The following RNF216 variants were observed in gnomAD, a reference collection of about 807,000 sequenced individuals.
The protein encoded by RNF216 is E3 ubiquitin-protein ligase RNF216.
RNF216 carries 72 observed loss-of-function variants against 110.8 expected under a neutral mutation model. The ratio of observed to expected loss-of-function variants is 0.65; its 90% CI spans 0.54 to 0.79. The LOEUF is 0.79. Ranked by LOEUF, RNF216 falls within the 30% of genes least tolerant of loss-of-function variation. The probability of loss-of-function intolerance (pLI) is 0.00; values close to 1 mark genes in which losing one functional copy is unlikely to be tolerated. For missense variants in RNF216, 1,342 were observed against 1,141.2 expected, an observed-to-expected ratio of 1.18 and a Z score of -2.54; for synonymous variants, 495 against 407.5, an observed-to-expected ratio of 1.21 and a Z score of -2.59.
intron 8 of RNF216, among the ~76,000 whole-genome samples, 176 bp downstream of exon 8, chr7:5,725,148 G>A (rs777450811): frequency 2.6e-5 from 4 of 152,190 alleles, no homozygotes; most frequent in Non-Finnish European, 5.9e-5. Flanking sequence ...GCCAACAAGT[G>A]CAGCCACTTC....
At chr7:5,645,373 T>C (rs1488660023) in intron 14 of RNF216, among the ~76,000 whole-genome samples, 1 of 152,230 alleles carries the variant, frequency 6.6e-6, no homozygotes, top group Non-Finnish European at 1.5e-5. Flanking sequence ...AATGTGAATA[T>C]TGGTACATCA....
chr7:5,646,086 C>A (rs1194439620), intron 14 of RNF216, among the ~76,000 whole-genome samples: 3 of 152,140 alleles, frequency 2.0e-5, no homozygotes, highest in Non-Finnish European at 4.4e-5. Flanking sequence ...ATGGGCCATA[C>A]TTTCCTGTTT....
intron 15 of RNF216, among the ~76,000 whole-genome samples, chr7:5,632,221 G>C (rs1011175219): frequency 2.0e-5 from 3 of 152,220 alleles, no homozygotes; most frequent in African/African-American, 7.2e-5. Context: ...GCTGCTGGCT[G>C]CATCTTTACT....
At chr7:5,766,167 A>T (rs1386817177) in intron 1 of RNF216, among the ~76,000 whole-genome samples, 2 of 151,758 alleles carry the variant, frequency 1.3e-5, no homozygotes, top group Non-Finnish European at 2.9e-5. Context: ...GCATGTACCT[A>T]TAGTTTTAGC....
chr7:5,779,333 C>T (rs986083236), intron 1 of RNF216, among the ~76,000 whole-genome samples: 3 of 152,044 alleles, frequency 2.0e-5, no homozygotes, highest in African/African-American at 4.8e-5. Context: ...TCTAAAGCCT[C>T]GAATGAGGTT....
chr7:5,773,458 G>T (rs983715561), intron 1 of RNF216, among the ~76,000 whole-genome samples: 1 of 151,808 alleles, frequency 6.6e-6, no homozygotes, highest in African/African-American at 2.4e-5. Flanking sequence ...GGCCAGGCTG[G>T]TTTCAAACTC....
chr7:5,713,723 C>A (rs991729980), intron 11 of RNF216, among the ~76,000 whole-genome samples: 1 of 152,110 alleles, frequency 6.6e-6, no homozygotes, highest in African/African-American at 2.4e-5. Context: ...ACATGAAAGA[C>A]AAACACCAAA....
intron 15 of RNF216, among the ~76,000 whole-genome samples, chr7:5,630,075 G>A (rs1465781854): frequency 6.6e-6 from 1 of 151,946 alleles, no homozygotes; most frequent in African/African-American, 2.4e-5. Context: ...GCTGGGAGAG[G>A]GGAAAAATAG....
chr7:5,664,552 CAGT>C (rs906107258), intron 13 of RNF216, among the ~76,000 whole-genome samples: 10 of 152,300 alleles, frequency 6.6e-5, no homozygotes, highest in African/African-American at 2.2e-4. Context: ...AGCTCACAAA[CAGT>C]AGACCCTGAA....
At chr7:5,770,544 A>G (rs1295805391) in intron 1 of RNF216, among the ~76,000 whole-genome samples, 1 of 152,134 alleles carries the variant, frequency 6.6e-6, no homozygotes, top group Non-Finnish European at 1.5e-5. Flanking sequence ...GGAAAGTTCA[A>G]TTTTGCAAAG....
intron 5 of RNF216, among the ~76,000 whole-genome samples, chr7:5,736,762 C>G (rs1373064053): frequency 6.6e-6 from 1 of 152,114 alleles, no homozygotes; most frequent in South Asian, 2.1e-4. Context: ...AGCGCCTCTG[C>G]CAGGCTGCGA....
intron 13 of RNF216, among the ~76,000 whole-genome samples, chr7:5,674,667 T>G (rs1432543628): frequency 6.6e-6 from 1 of 150,798 alleles, no homozygotes; most frequent in Non-Finnish European, 1.5e-5. Context: ...CAGCTGGGAA[T>G]TCCTGGGGAG....
At chr7:5,755,588 TTC>T (rs1054923272) in intron 2 of RNF216, among the ~76,000 whole-genome samples, 2 of 152,242 alleles carry the variant, frequency 1.3e-5, no homozygotes, top group African/African-American at 2.4e-5. Context: ...GTATATATTC[TTC>T]TCTTTCTTGC....
intron 13 of RNF216, among the ~76,000 whole-genome samples, chr7:5,695,951 AG>A (rs1363419000): frequency 1.3e-5 from 2 of 152,220 alleles, no homozygotes; most frequent in African/African-American, 4.8e-5. Context: ...AACGCATCCA[AG>A]GAACAGACTT....
chr7:5,647,324 CTTTCTTTT>C (rs1235215094), intron 14 of RNF216, among the ~76,000 whole-genome samples: 3 of 113,134 alleles, frequency 2.7e-5, no homozygotes, highest in Admixed American at 9.0e-5. Context: ...CATTTTCTTT[CTTTCTTTT>C]TTTTTTTTTT....
chr7:5,714,353 G>C (rs11979546), intron 11 of RNF216, among the ~76,000 whole-genome samples: 2,963 of 152,284 alleles, frequency 0.019, 71 homozygotes, highest in African/African-American at 0.067. Flanking sequence ...CTGCCTCCCA[G>C]ATTCAACCAA....
At chr7:5,754,161 T>TGTGTGC (rs1554263566) in intron 2 of RNF216, among the ~76,000 whole-genome samples, 97 of 135,816 alleles carry the variant, frequency 7.1e-4, no homozygotes, top group African/African-American at 2.4e-3. Context: ...TGTGTGTGTG[T>TGTGTGC]GCGCATTTGT....
chr7:5,690,796 C>T (rs573832815), intron 13 of RNF216, among the ~76,000 whole-genome samples: 1 of 152,302 alleles, frequency 6.6e-6, no homozygotes, highest in East Asian at 1.9e-4. Flanking sequence ...CGACAGCCTG[C>T]AGGGATGTAC....
intron 1 of RNF216, among the ~76,000 whole-genome samples, chr7:5,762,820 TA>T (rs1796003588): frequency 6.6e-6 from 1 of 152,196 alleles, no homozygotes; most frequent in Admixed American, 6.5e-5. Context: ...GAGTTACATA[TA>T]ACATCTTTTT....
Sources: gnomAD v4.1 joint callset for allele counts (sites outside exome capture counted in the v4.1 genomes callset) on GRCh38, gnomAD v4.1.1 for gene constraint, MANE v1.5 for transcripts, NCBI Gene and HGNC (gene_info 2026-07-23, HGNC 2026-07-21) for gene names.